The following KCNMA1 variants were observed in gnomAD, a reference collection of about 807,000 sequenced individuals.
KCNMA1 encodes Calcium-activated potassium channel subunit alpha-1.
KCNMA1 carries 29 observed loss-of-function variants against 140.0 expected under a neutral mutation model. That is an observed-to-expected ratio of 0.21 (90% confidence interval 0.15 to 0.28). The LOEUF (loss-of-function observed/expected upper bound fraction) is 0.28, where lower values mean the gene tolerates loss of function less well. KCNMA1 is among the 10% of genes least tolerant of loss of function. The probability of loss-of-function intolerance (pLI) is 1.00; values close to 1 mark genes in which losing one functional copy is unlikely to be tolerated. For synonymous variants in KCNMA1, 612 were observed against 611.9 expected (o/e 1.00, Z 0.00); for missense variants, 880 against 1,602.2 (o/e 0.55, Z 7.70).
At chr10:77,439,701 C>A (rs919234112) in intron 1 of KCNMA1, among the ~76,000 whole-genome samples, 4 of 152,182 alleles carry the variant, frequency 2.6e-5, no homozygotes, top group African/African-American at 9.7e-5. Flanking sequence ...ATCTTCGGAG[C>A]CCTTTCACCT....
At chr10:77,531,088 C>T (rs370911556) in intron 1 of KCNMA1, among the ~76,000 whole-genome samples, 81 of 152,198 alleles carry the variant, frequency 5.3e-4, no homozygotes, top group African/African-American at 1.8e-3. Context: ...TTAGAAAAAC[C>T]GAGACTTGGG....
intron 9 of KCNMA1, among the ~76,000 whole-genome samples, chr10:77,098,751 C>G (rs1196409064): frequency 6.6e-6 from 1 of 151,898 alleles, no homozygotes; most frequent in African/African-American, 2.4e-5. Context: ...TTTCTCTCTC[C>G]TTTCCTTTCT....
chr10:76,924,198 A>G (rs1201189195), intron 23 of KCNMA1, among the ~76,000 whole-genome samples: 1 of 152,180 alleles, frequency 6.6e-6, no homozygotes, highest in Non-Finnish European at 1.5e-5. Context: ...TGAAAACAAC[A>G]TGAATGTCCA....
intron 12 of KCNMA1, among the ~76,000 whole-genome samples, chr10:77,084,057 G>T (rs547499844): frequency 6.6e-6 from 1 of 152,098 alleles, no homozygotes; most frequent in South Asian, 2.1e-4. Context: ...TCAATATGCC[G>T]TAGACACACT....
At chr10:77,162,464 A>G (rs2098570480) in intron 5 of KCNMA1, among the ~76,000 whole-genome samples, 1 of 152,152 alleles carries the variant, frequency 6.6e-6, no homozygotes, top group African/African-American at 2.4e-5. Context: ...ATCTCACCTT[A>G]TTTCTATTTT....
chr10:76,880,224 G>A (rs1443690761), downstream of KCNMA1, among the ~76,000 whole-genome samples: 1 of 152,154 alleles, frequency 6.6e-6, no homozygotes, highest in Non-Finnish European at 1.5e-5. Context: ...GCGGCAGAGA[G>A]AATATCAATT....
chr10:76,974,025 G>A (rs1191433035), intron 19 of KCNMA1: 1 of 152,906 alleles, frequency 6.5e-6, no homozygotes, highest in East Asian at 1.9e-4. Flanking sequence ...ATTGGCTGGA[G>A]TTAAAAAACA....
At chr10:77,158,916 G>T (rs1428855168) in intron 5 of KCNMA1, among the ~76,000 whole-genome samples, 1 of 152,174 alleles carries the variant, frequency 6.6e-6, no homozygotes, top group Non-Finnish European at 1.5e-5. Context: ...ACCCCATGCT[G>T]CAAGAACTGT....
At chr10:77,182,891 C>T (rs1428264382) in intron 5 of KCNMA1, among the ~76,000 whole-genome samples, 2 of 152,134 alleles carry the variant, frequency 1.3e-5, no homozygotes. Flanking sequence ...AGCACTCTCC[C>T]CTTAACACAG....
chr10:77,508,208 C>T (rs928528478), intron 1 of KCNMA1, among the ~76,000 whole-genome samples: 5 of 152,182 alleles, frequency 3.3e-5, no homozygotes, highest in African/African-American at 1.2e-4. Context: ...CAGGGTATCA[C>T]TGTATCACCC....
At chr10:77,326,776 C>G (rs2084375125) in intron 2 of KCNMA1, among the ~76,000 whole-genome samples, 1 of 152,172 alleles carries the variant, frequency 6.6e-6, no homozygotes, top group Non-Finnish European at 1.5e-5. Context: ...AAGTCAAATG[C>G]AGACTTTCAG....
intron 1 of KCNMA1, among the ~76,000 whole-genome samples, chr10:77,523,580 G>A (rs1449987641): frequency 1.3e-5 from 2 of 152,246 alleles, no homozygotes; most frequent in Non-Finnish European, 2.9e-5. Flanking sequence ...AAGTGCCTTT[G>A]CATCTCCAGG....
At chr10:77,363,011 C>T (rs2094104905) in intron 2 of KCNMA1, among the ~76,000 whole-genome samples, 1 of 152,196 alleles carries the variant, frequency 6.6e-6, no homozygotes, top group South Asian at 2.1e-4. Context: ...CGGACAGGCA[C>T]CTGGGAGAGC....
intron 16 of KCNMA1, among the ~76,000 whole-genome samples, chr10:77,024,612 TGTAAAACAGCAGCAAAACAGGGTGAAA>T (rs1183306185): frequency 2.0e-5 from 3 of 152,010 alleles, no homozygotes; most frequent in African/African-American, 7.3e-5. Context: ...CTTCATGCAA[TGTAAAACAGCAGCAAAACAGGGTGAAA>T]TCACATGGTG....
chr10:77,079,181 A>G (rs2153731663), intron 13 of KCNMA1, among the ~76,000 whole-genome samples: 1 of 152,040 alleles, frequency 6.6e-6, no homozygotes, highest in East Asian at 1.9e-4. Context: ...GAGGCAGGAG[A>G]ATTGCTTGAA....
chr10:77,367,066 C>A (rs1320348699), intron 2 of KCNMA1, among the ~76,000 whole-genome samples: 2 of 152,204 alleles, frequency 1.3e-5, no homozygotes, highest in African/African-American at 2.4e-5. Context: ...AGCAAAATAG[C>A]ATGCATACTG....
At chr10:77,376,209 G>A (rs1276897253) in intron 2 of KCNMA1, among the ~76,000 whole-genome samples, 1 of 152,174 alleles carries the variant, frequency 6.6e-6, no homozygotes, top group Admixed American at 6.5e-5. Context: ...GGGCTGCCGT[G>A]TCCCACTCAG....
chr10:76,911,981 G>C (rs147166273), intron 24 of KCNMA1: 1 of 152,190 alleles, frequency 6.6e-6, no homozygotes, highest in Non-Finnish European at 1.5e-5. Context: ...ACCAGATATG[G>C]AGGTGAAGTG....
chr10:76,946,483 A>C (rs1453682626), intron 22 of KCNMA1, among the ~76,000 whole-genome samples: 1 of 152,204 alleles, frequency 6.6e-6, no homozygotes, highest in East Asian at 1.9e-4. Context: ...GAGCCTATCT[A>C]CCCTCTTTTA....
Sources: allele counts gnomAD v4.1 joint callset (sites outside exome capture counted in the v4.1 genomes callset), GRCh38; gene constraint gnomAD v4.1.1; transcripts MANE v1.5; gene names NCBI Gene and HGNC (gene_info 2026-07-23, HGNC 2026-07-21).